The following CCSER1 variants were observed in gnomAD, a reference collection of about 807,000 sequenced individuals.
CCSER1 encodes the protein serine-rich coiled-coil domain-containing protein 1.
A neutral mutation model predicts 82.0 loss-of-function variants in CCSER1; 41 were observed. That is an observed-to-expected ratio of 0.50 (90% CI 0.39 to 0.65). CCSER1 has a LOEUF of 0.65. Ranked by LOEUF, CCSER1 falls within the 30% of genes least tolerant of loss-of-function variation. The pLI is 0.00. For missense variants in CCSER1, 1,119 were observed against 1,064.2 expected (o/e 1.05, Z -0.72); for synonymous variants, 414 against 383.9 (o/e 1.08, Z -0.92).
chr4:91,370,261 A>G (rs1021152516), intron 10 of CCSER1, among the ~76,000 whole-genome samples: 1 of 152,218 alleles, frequency 6.6e-6, no homozygotes, highest in African/African-American at 2.4e-5. Flanking sequence ...CATAATACAC[A>G]AATTGACAAT....
At chr4:91,434,424 T>A (rs977047315) in intron 10 of CCSER1, among the ~76,000 whole-genome samples, 1 of 152,134 alleles carries the variant, frequency 6.6e-6, no homozygotes, top group African/African-American at 2.4e-5. Context: ...GTTGTTTTTT[T>A]AAAAAACAGA....
chr4:90,401,532 GT>G (rs911608791), intron 4 of CCSER1, among the ~76,000 whole-genome samples: 2 of 152,098 alleles, frequency 1.3e-5, no homozygotes, highest in African/African-American at 4.8e-5. Flanking sequence ...TATATTATTT[GT>G]TTTTGTTTTG....
chr4:90,881,333 G>A (rs1721285584), intron 8 of CCSER1, among the ~76,000 whole-genome samples: 1 of 152,026 alleles, frequency 6.6e-6, no homozygotes, highest in Admixed American at 6.6e-5. Flanking sequence ...GAGAGAGAGG[G>A]GGGAAAGAGA....
chr4:91,164,922 T>C (rs1206744727), intron 10 of CCSER1, among the ~76,000 whole-genome samples: 1 of 152,232 alleles, frequency 6.6e-6, no homozygotes. Context: ...CCTTCTGAAG[T>C]CTACTTCTGT....
intron 10 of CCSER1, among the ~76,000 whole-genome samples, chr4:91,501,362 G>T (rs545927100): frequency 6.6e-6 from 1 of 151,560 alleles, no homozygotes; most frequent in South Asian, 2.1e-4. Flanking sequence ...AATTGTAATT[G>T]GTTTAACCAT....
intron 10 of CCSER1, among the ~76,000 whole-genome samples, chr4:91,313,958 T>G (rs558087845): frequency 2.0e-5 from 3 of 151,992 alleles, no homozygotes; most frequent in Non-Finnish European, 4.4e-5. Context: ...GATATATACT[T>G]ACATTAGAAA....
intron 1 of CCSER1, among the ~76,000 whole-genome samples, chr4:90,255,332 C>G (rs1723091287): frequency 6.6e-6 from 1 of 151,790 alleles, no homozygotes; most frequent in South Asian, 2.1e-4. Flanking sequence ...TGCTTGGTGA[C>G]CAGGGAATCT....
intron 10 of CCSER1, among the ~76,000 whole-genome samples, chr4:91,516,077 T>G (rs2110127657): frequency 6.6e-6 from 1 of 152,230 alleles, no homozygotes; most frequent in South Asian, 2.1e-4. Context: ...GCTTGTAAAT[T>G]TATATATATT....
intron 9 of CCSER1, among the ~76,000 whole-genome samples, chr4:90,992,799 T>G (rs2150451443): frequency 6.6e-6 from 1 of 152,092 alleles, no homozygotes; most frequent in East Asian, 1.9e-4. Context: ...TTTCCCAAAG[T>G]ATGACTTACT....
At chr4:90,937,480 A>AACACACACACAC (rs148799317) in intron 9 of CCSER1, among the ~76,000 whole-genome samples, 6,557 of 146,092 alleles carry the variant, frequency 0.045, 288 homozygotes, top group East Asian at 0.19. Flanking sequence ...TCTAATTTGA[A>AACACACACACAC]ACACACACAC....
chr4:90,877,663 A>G (rs867004552), intron 8 of CCSER1, among the ~76,000 whole-genome samples: 2 of 151,744 alleles, frequency 1.3e-5, no homozygotes, highest in African/African-American at 4.8e-5. Context: ...ATATACCCAG[A>G]TGCATTTGAT....
At chr4:90,780,804 G>A (rs1031104030) in intron 7 of CCSER1, 13 of 1,101,694 alleles carry the variant, frequency 1.2e-5, no homozygotes, top group Non-Finnish European at 1.0e-5. Flanking sequence ...CCATATATGC[G>A]TGATCTTTTA....
At chr4:90,369,223 G>T (rs906435902) in intron 3 of CCSER1, among the ~76,000 whole-genome samples, 1 of 117,506 alleles carries the variant, frequency 8.5e-6, no homozygotes, top group Non-Finnish European at 1.8e-5. Flanking sequence ...AAGAAAGAAA[G>T]GGGGAGGAAA....
At chr4:91,437,592 T>C (rs1438844545) in intron 10 of CCSER1, among the ~76,000 whole-genome samples, 3 of 152,280 alleles carry the variant, frequency 2.0e-5, no homozygotes, top group African/African-American at 4.8e-5. Flanking sequence ...TCTGAGGTAC[T>C]GGGTTCATCT....
In CCSER1 at chr4:90,791,303, G is replaced by A. The variant is rs531581976; in HGVS notation, c.2011-24459G>A. 2.0e-5 allele frequency among the ~76,000 whole-genome samples: 3 copies of A among 152,270 alleles called. No individual in the cohort carries two copies. In the East Asian group the frequency reaches 5.8e-4, roughly 29 times the overall value. Reference sequence around the variant, plus strand: ...TGGGTAGGGACACAGCTAAACCACAGCAGTGGGTAAAATGCCATCAAACCA... The same window carrying A: ...TGGGTAGGGACACAGCTAAACCACAACAGTGGGTAAAATGCCATCAAACCA... On this transcript the variant is annotated intron_variant, in intron 7 of 10. Transcript: ENST00000509176.
intron 5 of CCSER1, among the ~76,000 whole-genome samples, chr4:90,619,414 T>TTGCA (rs1490437799): frequency 6.6e-6 from 1 of 151,984 alleles, no homozygotes; most frequent in Non-Finnish European, 1.5e-5. Flanking sequence ...ATATGATGAA[T>TTGCA]TGCATGAAGG....
At chr4:90,434,948 T>A (rs2153568888) in intron 4 of CCSER1, among the ~76,000 whole-genome samples, 1 of 152,316 alleles carries the variant, frequency 6.6e-6, no homozygotes, top group Admixed American at 6.5e-5. Flanking sequence ...GGTATTGGCC[T>A]CTGCGTGAAT....
At chr4:90,203,350 T>C (rs899750369) in intron 1 of CCSER1, among the ~76,000 whole-genome samples, 1 of 152,100 alleles carries the variant, frequency 6.6e-6, no homozygotes, top group Non-Finnish European at 1.5e-5. Flanking sequence ...CTCTCCTAGC[T>C]CCCCACCACC....
intron 9 of CCSER1, among the ~76,000 whole-genome samples, chr4:90,968,841 G>A (rs1734815321): frequency 6.6e-6 from 1 of 150,920 alleles, no homozygotes; most frequent in African/African-American, 2.4e-5. Flanking sequence ...AAATATTAGA[G>A]ATCTATGAAA....
Sources: allele counts gnomAD v4.1 joint callset (sites outside exome capture counted in the v4.1 genomes callset), GRCh38; gene constraint gnomAD v4.1.1; transcripts MANE v1.5; gene names NCBI Gene and HGNC (gene_info 2026-07-23, HGNC 2026-07-21).